ECE2: variants seen among roughly 807,000 people sequenced by gnomAD.
The protein encoded by ECE2 is endothelin converting enzyme 2, also known as endothelin-converting enzyme 2.
ECE2 carries 81 observed loss-of-function variants against 100.6 expected under a neutral mutation model. The ratio of observed to expected loss-of-function variants is 0.81; its 90% CI spans 0.67 to 0.97. The LOEUF (loss-of-function observed/expected upper bound fraction) is 0.97. Among genes scored for constraint, ECE2 ranks in the 50% least tolerant of loss-of-function variants. The pLI, the probability that ECE2 is intolerant of heterozygous loss-of-function variation, is 0.00. For synonymous variants in ECE2, 391 were observed against 391.5 expected, an observed-to-expected ratio of 1.00 and a Z score of 0.02; for missense variants, 911 against 988.1, an observed-to-expected ratio of 0.92 and a Z score of 1.05.
At chr3:184,280,668 C>A (rs1417940652) in intron 7 of ECE2, among the ~76,000 whole-genome samples, 1 of 152,050 alleles carries the variant, frequency 6.6e-6, no homozygotes, top group Non-Finnish European at 1.5e-5. Context: ...CATGGTGAAA[C>A]CCCATCTCTA....
In ECE2 at chr3:184,285,119, C is replaced by T. The variant is rs749405490; in HGVS notation, c.1148+14C>T. 5 of 1,611,898 alleles carry T rather than the reference C, an allele frequency of 3.1e-6. No individual in the cohort carries two copies. In the South Asian group the frequency reaches 4.4e-5, roughly 14 times the overall value. ...CACGGAACCAAGGTGTGGGGGTAGC[C>T]CAGGGTGAGGGTGGGTTCTGTGGAG... On this transcript the variant is annotated intron_variant, in intron 9 of 18. Coordinates refer to ENST00000404464, the MANE Select transcript of ECE2 (RefSeq NM_001100121.2).
chr3:184,277,804 C>G, intron 4 of ECE2, 121 bp from the exon 5 acceptor site: 1 of 1,461,884 alleles, frequency 6.8e-7, no homozygotes, highest in South Asian at 1.3e-5. Flanking sequence ...GACACTCTTC[C>G]TGGGTCTGCG....
intron 16 of ECE2, 68 bp from the exon 17 acceptor site, chr3:184,290,972 T>C: frequency 1.3e-6 from 2 of 1,576,612 alleles, no homozygotes; most frequent in Non-Finnish European, 1.7e-6. Flanking sequence ...CCAGGGCTGG[T>C]GGGGGCACTG....
rs903353850 is a variant in ECE2, at chr3:184,291,738, G to A, written c.2121+299G>A. On this transcript the variant is annotated intron_variant, in intron 18 of 18. Transcript: ENST00000404464. The surrounding 1 kb of genome is among the most constrained non-coding windows in gnomAD (Gnocchi z 4.1). Reference sequence around the variant, plus strand: ...GAAGGGGGCAAACGTTCATCCTCACGCTGTTCCTGTGAGGGAGACATGCAG... The same window carrying A: ...GAAGGGGGCAAACGTTCATCCTCACACTGTTCCTGTGAGGGAGACATGCAG... 2.5e-5 allele frequency: 13 copies of A among 512,498 alleles called. No homozygotes were observed. Among genetic ancestry groups the A allele is most frequent in the East Asian group, 6.0e-5 (2 of 33,160 alleles). 31.7% of individuals were successfully genotyped at this position (512,498 alleles called of 1,614,324 possible). A position where few individuals can be genotyped will look rare whatever the true frequency, so the allele number is the denominator to read the frequency against.
intron 11 of ECE2, among the ~76,000 whole-genome samples, chr3:184,288,519 T>C (rs969401860): frequency 4.6e-5 from 7 of 151,446 alleles, no homozygotes; most frequent in Admixed American, 2.0e-4. Context: ...TAAGGATGTT[T>C]ATGGTTTTTA....
chr3:184,278,330 G>C lies in ECE2; in HGVS notation c.750+17G>C. On this transcript the variant is annotated intron_variant, in intron 6 of 18. Coordinates refer to ENST00000404464, the MANE Select transcript of ECE2 (RefSeq NM_001100121.2). ...GTTATCCAGGTGATGAGCTGGGAAA[G>C]GGTGGGGAGAGACTTAGGGACACTT... 1 of 1,612,942 alleles carries C rather than the reference G, an allele frequency of 6.2e-7. No homozygotes were observed. Among genetic ancestry groups the C allele is most frequent in the South Asian group, 1.1e-5 (1 of 90,846 alleles).
At chr3:184,279,202 C>T (rs961339695) in intron 7 of ECE2, among the ~76,000 whole-genome samples, 3 of 146,908 alleles carry the variant, frequency 2.0e-5, no homozygotes, top group Non-Finnish European at 1.5e-5. Context: ...CCCAACTACT[C>T]GGGAGGCTGA....
intron 7 of ECE2, among the ~76,000 whole-genome samples, chr3:184,282,385 C>A (rs1198198766): frequency 3.3e-5 from 5 of 152,134 alleles, no homozygotes; most frequent in African/African-American, 1.2e-4. Context: ...AAGAGATGGC[C>A]TTTGGCGATT....
rs779868617 is a variant in ECE2 at position 184,290,336 on chromosome 3, C to T, written c.1633C>T (p.Arg545Cys). The T allele has an allele frequency of 2.2e-5, 35 of 1,613,704 alleles. No homozygotes were observed. The highest frequency in any genetic ancestry group is 6.6e-5 in the South Asian group (6 of 91,080). The change falls in exon 14 of 19, where the codon CGC becomes TGC. Residue 545 changes from arginine (R) to cysteine (C), a missense_variant. By Grantham distance (180) the Arg-to-Cys change is radical. Transcript: ENST00000404464. The stretch of plus-strand genomic sequence containing the variant: ...TGCCAAGGTTATGGCTGACCAGCTC[C>T]GCAAGCCTCCCAGCCGAGACCAGTG... ...FSAKVMADQL[R>C]KPPSRDQWSM...
chr3:184,286,401 GA>G, intron 10 of ECE2, among the ~76,000 whole-genome samples: 1 of 152,102 alleles, frequency 6.6e-6, no homozygotes, highest in East Asian at 1.9e-4. Context: ...ATGGAGAGGA[GA>G]AACACAGTTG....
In ECE2 at chr3:184,283,795, C is replaced by A. The variant is rs746553698; in HGVS notation, c.827C>A (p.Ala276Asp). ...NRTANEKVLT[A>D]YLDYMEELGM... Reference sequence around the variant, plus strand: ...CCCGGGCCTTGACAGGTGCTCACTGCCTATCTGGATTACATGGAGGAACTG... The same window carrying A: ...CCCGGGCCTTGACAGGTGCTCACTGACTATCTGGATTACATGGAGGAACTG... The change falls in exon 8 of 19, where the codon GCC becomes GAC. Residue 276 changes from alanine (A) to aspartate (D), a missense_variant. Coordinates refer to ENST00000404464, the MANE Select transcript of ECE2 (RefSeq NM_001100121.2). 1 of 1,613,516 alleles carries A rather than the reference C, an allele frequency of 6.2e-7. No individual in the cohort carries two copies. Among genetic ancestry groups the A allele is most frequent in the South Asian group, 1.1e-5 (1 of 91,032 alleles).
chr3:184,276,875 C>A lies in ECE2; in HGVS notation c.127-17C>A. 1 of 1,613,606 alleles carries A rather than the reference C, an allele frequency of 6.2e-7. No homozygotes were observed. Among genetic ancestry groups the A allele is most frequent in the Non-Finnish European group, 8.5e-7 (1 of 1,179,732 alleles). On this transcript the variant is annotated splice_polypyrimidine_tract_variant and intron_variant, in intron 2 of 18. Transcript: ENST00000404464. ...GCCCTGCATCTCAGTCACTCTCTGT[C>A]CCCCTGTGTTCCCCAGGTGGGATTC...
rs776314341 is a variant in ECE2 at position 184,291,521 on chromosome 3, C to A, written c.2121+82C>A. 2.3e-6 allele frequency: 3 copies of A among 1,282,528 alleles called. No homozygotes were observed. The highest frequency in any genetic ancestry group is 3.2e-6 in the Non-Finnish European group (3 of 948,720). The allele number at this position is 1,282,528 out of a possible 1,614,324, so 79.4% of individuals were successfully genotyped here. A position where few individuals can be genotyped will look rare whatever the true frequency, so the allele number is the denominator to read the frequency against. On this transcript the variant is annotated intron_variant, in intron 18 of 18. Transcript: ENST00000404464. This position sits in a 1 kb window ranked among gnomAD's most constrained non-coding sequence, Gnocchi z 4.1. ...ATGTCATTAGGAGAACTCTGGGGCA[C>A]GTGTCAAACGGGCTGGTGAATGGGG...
intron 13 of ECE2, 60 bp from the exon 14 acceptor site, chr3:184,290,195 C>T (rs932664765): frequency 1.1e-5 from 15 of 1,375,958 alleles, no homozygotes; most frequent in Non-Finnish European, 1.4e-5. Flanking sequence ...GCCAAACTGG[C>T]GCTATTATCT....
intron 13 of ECE2, 70 bp from the exon 14 acceptor site, chr3:184,290,185 G>A: frequency 7.8e-7 from 1 of 1,286,764 alleles, no homozygotes; most frequent in Non-Finnish European, 1.1e-6. Flanking sequence ...CTAATGAGTA[G>A]CCAAACTGGC....
Position 184,292,183 on chromosome 3 carries a change from T to C in ECE2, c.2243T>C (p.Phe748Ser). 6.2e-7 allele frequency: 1 copy of C among 1,614,096 alleles called. No homozygotes were observed. Among genetic ancestry groups the C allele is most frequent in the Middle Eastern group, 1.7e-4 (1 of 6,060 alleles). The change falls in exon 19 of 19, where the codon TTC (phenylalanine) becomes TCC (serine). Residue 748 changes from phenylalanine to serine, a missense_variant. Coordinates refer to ENST00000404464, the MANE Select transcript of ECE2 (RefSeq NM_001100121.2). Reference sequence around the variant, plus strand: ...AACTCCCGTGACTTCCTGCGGCACTTCGGCTGCCCTGTCGGCTCCCCCATG... The same window carrying C: ...AACTCCCGTGACTTCCTGCGGCACTCCGGCTGCCCTGTCGGCTCCCCCATG... ...LSNSRDFLRH[F>S]GCPVGSPMNP...
intron 14 of ECE2, 94 bp from the exon 15 acceptor site, chr3:184,290,462 GC>G: frequency 6.4e-7 from 1 of 1,555,726 alleles, no homozygotes; most frequent in Non-Finnish European, 8.8e-7. Flanking sequence ...CAGACCGGCG[GC>G]CCCATACCCT....
intron 7 of ECE2, among the ~76,000 whole-genome samples, chr3:184,279,401 A>G (rs1238215584): frequency 6.6e-6 from 1 of 151,090 alleles, no homozygotes; most frequent in East Asian, 2.0e-4. Flanking sequence ...CACACCTGTA[A>G]TCCCCGCACT....
At chr3:184,288,645 T>C (rs1409611755) in intron 11 of ECE2, among the ~76,000 whole-genome samples, 1 of 152,150 alleles carries the variant, frequency 6.6e-6, no homozygotes, top group Non-Finnish European at 1.5e-5. Context: ...ATGGCTGATA[T>C]ATCTTTCAGC....
Sources: allele counts gnomAD v4.1 joint callset (sites outside exome capture counted in the v4.1 genomes callset), GRCh38; gene constraint gnomAD v4.1.1; non-coding constraint Gnocchi (gnomAD v3.1); transcripts MANE v1.5; gene names NCBI Gene and HGNC (gene_info 2026-07-23, HGNC 2026-07-21).